RELL1: variants seen among roughly 807,000 people sequenced by gnomAD.
RELL1 encodes RELT-like protein 1.
RELL1 carries 10 observed loss-of-function variants against 23.0 expected under a neutral mutation model. The observed-to-expected ratio is 0.43, with a 90% CI of 0.27 to 0.74. The LOEUF is 0.74. Among genes scored for constraint, RELL1 ranks in the 30% least tolerant of loss-of-function variants. The probability of loss-of-function intolerance (pLI) is 0.19; values close to 1 mark genes in which losing one functional copy is unlikely to be tolerated. For synonymous variants in RELL1, 146 were observed against 146.8 expected, an observed-to-expected ratio of 0.99 and a Z score of 0.04; for missense variants, 315 against 364.4, an observed-to-expected ratio of 0.86 and a Z score of 1.10.
At chr4:37,661,095 CA>C (rs902991906) in intron 1 of RELL1, among the ~76,000 whole-genome samples, 30 of 151,704 alleles carry the variant, frequency 2.0e-4, no homozygotes, top group Non-Finnish European at 4.1e-4. Context: ...GAACCTGGGA[CA>C]AAAATCTTGT....
In RELL1 at chr4:37,629,067, C is replaced by G. The variant is rs190597082; in HGVS notation, c.*3+2318G>C. The stretch of plus-strand genomic sequence containing the variant: ...AGCCATGGCACTAGTTAGCCAAGCT[C>G]TAATCAGAGGTGAGTCTGACAAGAG... On this transcript the variant is annotated intron_variant, in intron 6 of 6. Transcript: ENST00000454158. 9.8e-5 allele frequency among the ~76,000 whole-genome samples: 15 copies of G among 152,300 alleles called. No homozygotes were observed. The East Asian group carries it at 1.9e-3, about 20-fold the overall frequency.
At chr4:37,670,011 G>A (rs1277946496) in intron 1 of RELL1, among the ~76,000 whole-genome samples, 1 of 140,492 alleles carries the variant, frequency 7.1e-6, no homozygotes, top group African/African-American at 2.7e-5. Flanking sequence ...CCCCCTCTGC[G>A]AGAAACACCC....
intron 1 of RELL1, among the ~76,000 whole-genome samples, chr4:37,682,960 T>A (rs1490254468): frequency 6.6e-6 from 1 of 152,224 alleles, no homozygotes; most frequent in East Asian, 1.9e-4. Flanking sequence ...AGGACATTAA[T>A]AAGCCAAGAC....
intron 1 of RELL1, chr4:37,665,247 T>C: frequency 2.2e-6 from 1 of 456,268 alleles, no homozygotes; most frequent in Non-Finnish European, 4.4e-6. Flanking sequence ...CATAAATAAG[T>C]AGATTCTTTT....
intron 1 of RELL1, among the ~76,000 whole-genome samples, chr4:37,676,930 A>C (rs892527228): frequency 6.6e-6 from 1 of 152,160 alleles, no homozygotes; most frequent in African/African-American, 2.4e-5. Flanking sequence ...ACATACACGT[A>C]GTCCCTCCCT....
At chr4:37,670,158 TTC>T (rs1721782263) in intron 1 of RELL1, among the ~76,000 whole-genome samples, 2 of 151,978 alleles carry the variant, frequency 1.3e-5, no homozygotes, top group African/African-American at 2.4e-5. Flanking sequence ...GGGCATTTTT[TTC>T]TCTTTTTCTA....
intron 6 of RELL1, among the ~76,000 whole-genome samples, chr4:37,601,236 A>G (rs1719009901): frequency 6.6e-6 from 1 of 152,202 alleles, no homozygotes; most frequent in Non-Finnish European, 1.5e-5. Context: ...TGGCTGTGGC[A>G]GAAACATCAA....
At chr4:37,655,334 C>A (rs1353968461) in intron 1 of RELL1, among the ~76,000 whole-genome samples, 1 of 152,078 alleles carries the variant, frequency 6.6e-6, no homozygotes, top group Non-Finnish European at 1.5e-5. Flanking sequence ...GAGCTCCTAA[C>A]CCCCAATACC....
Position 37,611,858 on chromosome 4 carries a change from G to A in RELL1, c.*1488C>T, listed in dbSNP as rs1719393301. ...CACAAAGAAAAACATGCCAGAGGTA[G>A]GTGCAGGCCCATCTTATATGAGAAG... On this transcript the variant is annotated 3_prime_UTR_variant, in exon 7 of 7. Transcript: ENST00000454158. 6.6e-6 allele frequency among the ~76,000 whole-genome samples: 1 copy of A among 152,172 alleles called. No homozygotes were observed. Among genetic ancestry groups the A allele is most frequent in the African/African-American group, 2.4e-5 (1 of 41,432 alleles).
chr4:37,670,928 A>G (rs1198171419), intron 1 of RELL1, among the ~76,000 whole-genome samples: 1 of 152,188 alleles, frequency 6.6e-6, no homozygotes, highest in East Asian at 1.9e-4. Flanking sequence ...ATAGTAAACT[A>G]TGCAATTTCA....
At chr4:37,634,821 A>T (rs1303571281) in intron 5 of RELL1, 66 bp downstream of exon 5, 8 of 1,289,830 alleles carry the variant, frequency 6.2e-6, no homozygotes, top group Non-Finnish European at 9.0e-6. Context: ...CTGACAGGTA[A>T]GCAGAAGTCC....
chr4:37,616,211 C>T (rs1385798737), intron 6 of RELL1, among the ~76,000 whole-genome samples: 1 of 152,178 alleles, frequency 6.6e-6, no homozygotes, highest in Non-Finnish European at 1.5e-5. Flanking sequence ...CCGATGACTC[C>T]ATAAGTCAAT....
At chr4:37,675,195 T>C (rs1721986575) in intron 1 of RELL1, among the ~76,000 whole-genome samples, 1 of 152,252 alleles carries the variant, frequency 6.6e-6, no homozygotes, top group South Asian at 2.1e-4. Context: ...TAAGATGCCT[T>C]TGTATTCTCT....
intron 1 of RELL1, among the ~76,000 whole-genome samples, chr4:37,679,076 C>A (rs1445254798): frequency 6.6e-6 from 1 of 152,156 alleles, no homozygotes; most frequent in Non-Finnish European, 1.5e-5. Context: ...CTGAGTTCAA[C>A]AGGTTTGGCA....
intron 6 of RELL1, among the ~76,000 whole-genome samples, chr4:37,615,844 T>A (rs1719557284): frequency 6.6e-6 from 1 of 152,234 alleles, no homozygotes; most frequent in African/African-American, 2.4e-5. Context: ...CTTTAGAGTT[T>A]ATTGCTTATG....
At chr4:37,626,724 TC>T (rs2109251815) in intron 6 of RELL1, among the ~76,000 whole-genome samples, 1 of 152,288 alleles carries the variant, frequency 6.6e-6, no homozygotes, top group East Asian at 1.9e-4. Flanking sequence ...GGAAATCCTG[TC>T]ATTGAAGATA....
intron 1 of RELL1, among the ~76,000 whole-genome samples, chr4:37,684,148 C>G (rs1337181921): frequency 6.6e-6 from 1 of 152,158 alleles, no homozygotes; most frequent in African/African-American, 2.4e-5. Flanking sequence ...ACAGCAGGCA[C>G]TCAACAGTAT....
At chr4:37,616,625 A>C (rs1719583363) in intron 6 of RELL1, among the ~76,000 whole-genome samples, 1 of 152,252 alleles carries the variant, frequency 6.6e-6, no homozygotes. Context: ...ATTCTAAGAC[A>C]AGGCTATGGA....
chr4:37,665,288 T>C (rs1201449335), intron 1 of RELL1: 1 of 456,208 alleles, frequency 2.2e-6, no homozygotes, highest in Non-Finnish European at 4.4e-6. Flanking sequence ...ACCCCACTGC[T>C]TCACCCCCTT....
Sources: allele counts gnomAD v4.1 joint callset (sites outside exome capture counted in the v4.1 genomes callset), GRCh38; gene constraint gnomAD v4.1.1; transcripts MANE v1.5; gene names NCBI Gene and HGNC (gene_info 2026-07-23, HGNC 2026-07-21).